CACNA1D: variants seen among roughly 807,000 people sequenced by gnomAD.
CACNA1D encodes calcium voltage-gated channel subunit alpha1 D.
Under a neutral mutation model 257.1 loss-of-function variants are expected in CACNA1D, and 55 were observed. That is an observed-to-expected ratio of 0.21 (90% CI 0.17 to 0.27). The LOEUF (loss-of-function observed/expected upper bound fraction) is 0.27, where lower values mean the gene tolerates loss of function less well. CACNA1D is among the 10% of genes least tolerant of loss of function. The pLI is 1.00. For missense variants in CACNA1D, 1,876 were observed against 2,784.0 expected (o/e 0.67, Z 7.34); for synonymous variants, 980 against 1,014.9 (o/e 0.97, Z 0.65).
intron 40 of CACNA1D, chr3:53,799,850 G>A (rs1025364596): frequency 9.0e-5 from 26 of 287,652 alleles, no homozygotes; most frequent in South Asian, 1.5e-4. Context: ...CCTTTAGATC[G>A]GCCAGGCTGT....
At chr3:53,603,772 C>A (rs1172479574) in intron 3 of CACNA1D, among the ~76,000 whole-genome samples, 4 of 152,186 alleles carry the variant, frequency 2.6e-5, no homozygotes, top group Non-Finnish European at 5.9e-5. Context: ...TGGGGAACTT[C>A]AAAATCCATA....
At chr3:53,810,989 T>C in intron 47 of CACNA1D, 124 bp from the exon 48 acceptor site, 1 of 767,404 alleles carries the variant, frequency 1.3e-6, no homozygotes, top group Non-Finnish European at 2.3e-6. Context: ...GAAAACATGA[T>C]TGAGCTGCAT....
At chr3:53,635,527 G>A (rs973033716) in intron 3 of CACNA1D, among the ~76,000 whole-genome samples, 1 of 152,108 alleles carries the variant, frequency 6.6e-6, no homozygotes. Context: ...TTTTTTCTCT[G>A]TCCAGCTCCC....
At chr3:53,643,473 G>T (rs1390843187) in intron 3 of CACNA1D, among the ~76,000 whole-genome samples, 1 of 152,012 alleles carries the variant, frequency 6.6e-6, no homozygotes, top group Non-Finnish European at 1.5e-5. Flanking sequence ...CAGCCTGAAT[G>T]TGCACGATGG....
intron 3 of CACNA1D, among the ~76,000 whole-genome samples, chr3:53,601,120 C>T (rs1208744150): frequency 1.3e-5 from 2 of 152,176 alleles, no homozygotes; most frequent in Non-Finnish European, 1.5e-5. Flanking sequence ...ATAAGAATGC[C>T]TGTGCCCCCT....
Position 53,531,760 on chromosome 3 carries a change from C to A in CACNA1D, c.483+30040C>A, listed in dbSNP as rs114881032. Among the ~76,000 whole-genome samples, 661 of 152,310 alleles carry A rather than the reference C, an allele frequency of 4.3e-3. 8 individuals are homozygous for A. The highest frequency in any genetic ancestry group is 0.015 in the African/African-American group (632 of 41,572). On this transcript the variant is annotated intron_variant, in intron 3 of 47. Transcript: ENST00000350061. ...CTTATTGAGTCTTCTCTGACAGTTT[C>A]TTTGAGGGTATTGCTATCAGAGTCA...
At chr3:53,517,166 G>T (rs1331401039) in intron 3 of CACNA1D, among the ~76,000 whole-genome samples, 1 of 151,504 alleles carries the variant, frequency 6.6e-6, no homozygotes, top group Non-Finnish European at 1.5e-5. Context: ...AGAGGGCCTC[G>T]AGGAGAGGAC....
chr3:53,644,198 A>C (rs2093994688), intron 3 of CACNA1D, among the ~76,000 whole-genome samples: 1 of 152,372 alleles, frequency 6.6e-6, no homozygotes, highest in South Asian at 2.1e-4. Context: ...AATTTTTAAA[A>C]ATTGACAAAT....
Position 53,500,042 on chromosome 3 carries a change from CT to C in CACNA1D, c.378-1566del, listed in dbSNP as rs1270106259. 9.2e-5 allele frequency among the ~76,000 whole-genome samples: 14 copies of C among 152,008 alleles called. 1 individual carries two copies. The South Asian group carries it at 1.7e-3, about 18-fold the overall frequency. ...GTAAGGGAATAATGTTATTCATTGC[CT>C]TTTTTTCGTTGAGTTATGAAAGCTC... On this transcript the variant is annotated intron_variant, in intron 2 of 47. Transcript: ENST00000350061.
chr3:53,688,477 C>G (rs1338995355), intron 8 of CACNA1D, among the ~76,000 whole-genome samples: 1 of 152,166 alleles, frequency 6.6e-6, no homozygotes, highest in Non-Finnish European at 1.5e-5. Flanking sequence ...CAGAGCCATC[C>G]TAATAACCAA....
At position 53,495,949 on chromosome 3, in the gene CACNA1D, C is replaced by T. The variant is rs960927046; in HGVS notation, c.67+716C>T. Among the ~76,000 whole-genome samples, 3 of 152,180 alleles carry T rather than the reference C, an allele frequency of 2.0e-5. No individual in the cohort carries two copies. Among genetic ancestry groups the T allele is most frequent in the African/African-American group, 4.8e-5 (2 of 41,454 alleles). On this transcript the variant is annotated intron_variant, in intron 1 of 47. Coordinates refer to ENST00000350061, the MANE Select transcript of CACNA1D (RefSeq NM_001128840.3). This position sits in a 1 kb window ranked among gnomAD's most constrained non-coding sequence, Gnocchi z 5.1. ...GGAGGATGGAGCAGCTCCTGGCCAGCCCTCCCCTTTGGAGACCGCCAGTGC... is the reference window on the plus strand; with the variant it reads ...GGAGGATGGAGCAGCTCCTGGCCAGTCCTCCCCTTTGGAGACCGCCAGTGC...
At chr3:53,738,223 G>T (rs772531523) in intron 20 of CACNA1D, among the ~76,000 whole-genome samples, 1 of 152,240 alleles carries the variant, frequency 6.6e-6, no homozygotes, top group African/African-American at 2.4e-5. Flanking sequence ...CCAGGACTCT[G>T]TTGGGACAAC....
chr3:53,591,699 G>A (rs1341063597), intron 3 of CACNA1D, among the ~76,000 whole-genome samples: 1 of 152,216 alleles, frequency 6.6e-6, no homozygotes, highest in African/African-American at 2.4e-5. Flanking sequence ...ATAAACTACA[G>A]TATCAAAGGT....
intron 3 of CACNA1D, among the ~76,000 whole-genome samples, chr3:53,581,019 G>A (rs1040621050): frequency 6.6e-6 from 1 of 152,230 alleles, no homozygotes; most frequent in Non-Finnish European, 1.5e-5. Flanking sequence ...GCAATCTGGA[G>A]ACCTTGTTAA....
intron 38 of CACNA1D, among the ~76,000 whole-genome samples, chr3:53,780,662 A>G (rs1326204800): frequency 6.6e-6 from 1 of 152,216 alleles, no homozygotes; most frequent in East Asian, 1.9e-4. Context: ...ACCAAACCAG[A>G]ATGGCCTTCA....
chr3:53,603,268 T>C (rs2107893926), intron 3 of CACNA1D, among the ~76,000 whole-genome samples: 1 of 152,360 alleles, frequency 6.6e-6, no homozygotes, highest in Non-Finnish European at 1.5e-5. Flanking sequence ...ATAATGCTCA[T>C]GCTTGCCTTG....
At chr3:53,548,678 C>G (rs1267467611) in intron 3 of CACNA1D, among the ~76,000 whole-genome samples, 1 of 152,138 alleles carries the variant, frequency 6.6e-6, no homozygotes, top group East Asian at 1.9e-4. Flanking sequence ...TGTATTATCT[C>G]TCCCTTTCTG....
intron 3 of CACNA1D, among the ~76,000 whole-genome samples, chr3:53,650,420 A>C (rs900751323): frequency 6.6e-5 from 10 of 152,334 alleles, no homozygotes; most frequent in Middle Eastern, 3.4e-3. Context: ...TCTGGGCCTG[A>C]TTTGGCAACC....
chr3:53,719,890 T>G, intron 11 of CACNA1D, 109 bp downstream of exon 11: 1 of 1,001,498 alleles, frequency 1.0e-6, no homozygotes, highest in Non-Finnish European at 1.6e-6. Flanking sequence ...CTCTGTGGAT[T>G]ATAACATTGA....
Sources: allele counts gnomAD v4.1 joint callset (sites outside exome capture counted in the v4.1 genomes callset), GRCh38; gene constraint gnomAD v4.1.1; non-coding constraint Gnocchi (gnomAD v3.1); transcripts MANE v1.5; gene names NCBI Gene and HGNC (gene_info 2026-07-23, HGNC 2026-07-21).